The following EXOC6B variants were observed in gnomAD, a reference collection of about 807,000 sequenced individuals.
The protein encoded by EXOC6B is SEC15 homolog B.
In EXOC6B, 54 loss-of-function variants were observed where a neutral mutation model predicts 113.5. That is an observed-to-expected ratio of 0.48 (90% CI 0.38 to 0.60). The LOEUF (loss-of-function observed/expected upper bound fraction) is 0.60. EXOC6B is among the 20% of genes least tolerant of loss of function. The pLI, the probability that EXOC6B is intolerant of heterozygous loss-of-function variation, is 0.00. For synonymous variants in EXOC6B, 357 were observed against 339.0 expected (o/e 1.05, Z -0.58); for missense variants, 797 against 977.5 (o/e 0.82, Z 2.46).
intron 8 of EXOC6B, among the ~76,000 whole-genome samples, chr2:72,527,668 T>G (rs1232731414): frequency 6.6e-6 from 1 of 151,994 alleles, no homozygotes; most frequent in Non-Finnish European, 1.5e-5. Context: ...GACTATGCCA[T>G]TTTACATTAT....
chr2:72,522,674 C>G (rs147822031), intron 8 of EXOC6B, among the ~76,000 whole-genome samples: 1 of 152,144 alleles, frequency 6.6e-6, no homozygotes, highest in Non-Finnish European at 1.5e-5. Flanking sequence ...AAGATGACAT[C>G]TTTCTAGATC....
intron 20 of EXOC6B, among the ~76,000 whole-genome samples, chr2:72,223,530 T>C (rs1205156804): frequency 6.6e-6 from 1 of 152,208 alleles, no homozygotes; most frequent in Non-Finnish European, 1.5e-5. Context: ...ATTAAATTTT[T>C]TGCCTTTGTA....
chr2:72,585,401 C>T lies in EXOC6B; in HGVS notation c.670-9733G>A, dbSNP rs79363190. On this transcript the variant is annotated intron_variant, in intron 6 of 21. Transcript: ENST00000272427. ...TCACCTGAGGTCAGGAGTTTGAGAC[C>T]AGCCTGGCCAACACGGTGAAACCCC... 1.8e-4 allele frequency among the ~76,000 whole-genome samples: 28 copies of T among 152,120 alleles called. 1 individual carries two copies. The East Asian group carries it at 5.4e-3, about 29-fold the overall frequency.
chr2:72,218,409 G>A (rs1462993565), intron 20 of EXOC6B, among the ~76,000 whole-genome samples: 1 of 152,100 alleles, frequency 6.6e-6, no homozygotes, highest in African/African-American at 2.4e-5. Context: ...CTCAATAAGG[G>A]TCCCAGAACA....
chr2:72,498,340 TATA>T (rs1047192548), intron 13 of EXOC6B, 111 bp downstream of exon 13: 4 of 646,770 alleles, frequency 6.2e-6, no homozygotes, highest in Non-Finnish European at 1.0e-5. Flanking sequence ...AGCTACAAAA[TATA>T]AGTAACATAT....
intron 20 of EXOC6B, among the ~76,000 whole-genome samples, chr2:72,306,088 A>G (rs1331797763): frequency 6.6e-6 from 1 of 152,170 alleles, no homozygotes; most frequent in African/African-American, 2.4e-5. Context: ...AACACTTCCT[A>G]CCCGGACAGG....
chr2:72,224,396 T>A lies in EXOC6B; in HGVS notation c.2197-40209A>T, dbSNP rs55978045. Among the ~76,000 whole-genome samples, 1,295 of 152,248 alleles carry A rather than the reference T, an allele frequency of 8.5e-3. 21 individuals are homozygous for A. Among genetic ancestry groups the A allele is most frequent in the African/African-American group, 0.029 (1,194 of 41,552 alleles). On this transcript the variant is annotated intron_variant, in intron 20 of 21. Coordinates refer to ENST00000272427, the MANE Select transcript of EXOC6B (RefSeq NM_015189.3). Reference sequence around the variant, plus strand: ...ATAAACATTTACCTGAAGGGAATCATCTACTAGACTAAAAATGCTATATGT... The same window carrying A: ...ATAAACATTTACCTGAAGGGAATCAACTACTAGACTAAAAATGCTATATGT...
intron 6 of EXOC6B, among the ~76,000 whole-genome samples, chr2:72,609,054 C>T (rs1670910009): frequency 6.6e-6 from 1 of 152,112 alleles, no homozygotes; most frequent in African/African-American, 2.4e-5. Context: ...CAATTACCAC[C>T]TCACTTCCCA....
chr2:72,457,096 T>C (rs1450370359), intron 18 of EXOC6B, among the ~76,000 whole-genome samples: 1 of 151,346 alleles, frequency 6.6e-6, no homozygotes, highest in Non-Finnish European at 1.5e-5. Flanking sequence ...GAATCTTTGG[T>C]AAATGGAAAA....
intron 20 of EXOC6B, among the ~76,000 whole-genome samples, chr2:72,201,564 C>T (rs999011689): frequency 1.3e-5 from 2 of 152,170 alleles, no homozygotes; most frequent in Non-Finnish European, 2.9e-5. Context: ...AAAGGAAATT[C>T]ATCTCTCCTT....
At chr2:72,365,201 T>G (rs1312940310) in intron 19 of EXOC6B, among the ~76,000 whole-genome samples, 1 of 151,998 alleles carries the variant, frequency 6.6e-6, no homozygotes, top group Non-Finnish European at 1.5e-5. Context: ...TGTACTTTTC[T>G]TTTTTCCCCA....
chr2:72,641,737 T>G (rs1338812270), intron 6 of EXOC6B, among the ~76,000 whole-genome samples: 1 of 152,246 alleles, frequency 6.6e-6, no homozygotes, highest in Admixed American at 6.5e-5. Flanking sequence ...GTCTGAGCCC[T>G]GAGAACAGAC....
intron 18 of EXOC6B, among the ~76,000 whole-genome samples, chr2:72,410,691 T>C (rs779417486): frequency 2.6e-5 from 4 of 152,242 alleles, no homozygotes; most frequent in Non-Finnish European, 5.9e-5. Context: ...ACTGATCTTA[T>C]GAAGCTAATT....
At chr2:72,376,625 T>C (rs964269183) in intron 19 of EXOC6B, among the ~76,000 whole-genome samples, 1 of 152,164 alleles carries the variant, frequency 6.6e-6, no homozygotes, top group African/African-American at 2.4e-5. Context: ...CTGAGAAACT[T>C]TGAACCCAGT....
chr2:72,490,423 C>T (rs564528869), intron 16 of EXOC6B, among the ~76,000 whole-genome samples: 1 of 152,192 alleles, frequency 6.6e-6, no homozygotes, highest in Admixed American at 6.5e-5. Context: ...ACAAATGTTA[C>T]CTATTATGAT....
chr2:72,389,741 G>A (rs924887501), intron 18 of EXOC6B, among the ~76,000 whole-genome samples: 21 of 152,068 alleles, frequency 1.4e-4, no homozygotes, highest in Admixed American at 1.3e-3. Flanking sequence ...TGATTAAAAA[G>A]AAGTATCTAG....
At chr2:72,396,887 T>C (rs193202045) in intron 18 of EXOC6B, among the ~76,000 whole-genome samples, 86 of 152,164 alleles carry the variant, frequency 5.7e-4, no homozygotes, top group Middle Eastern at 3.4e-3. Flanking sequence ...TGATGCTAGA[T>C]ATTTATTATT....
chr2:72,354,668 G>A (rs1203455020), intron 19 of EXOC6B, among the ~76,000 whole-genome samples: 2 of 152,194 alleles, frequency 1.3e-5, no homozygotes, highest in South Asian at 2.1e-4. Context: ...ATTGACCCAT[G>A]TCTGAGAAAA....
chr2:72,735,106 C>A (rs1229303716), intron 2 of EXOC6B, among the ~76,000 whole-genome samples: 1 of 152,128 alleles, frequency 6.6e-6, no homozygotes, highest in African/African-American at 2.4e-5. Context: ...ATAATGCTAT[C>A]CCCATTACAG....
Sources: allele counts gnomAD v4.1 joint callset (sites outside exome capture counted in the v4.1 genomes callset), GRCh38; gene constraint gnomAD v4.1.1; transcripts MANE v1.5; gene names NCBI Gene and HGNC (gene_info 2026-07-23, HGNC 2026-07-21).